The following FOXR1 variants were observed in gnomAD, a reference collection of about 807,000 sequenced individuals.
FOXR1 encodes the protein forkhead box R1, also known as forkhead box protein R1.
A neutral mutation model predicts 34.5 loss-of-function variants in FOXR1; 25 were observed. That is an observed-to-expected ratio of 0.72 (90% CI 0.53 to 1.01). The LOEUF (loss-of-function observed/expected upper bound fraction) is 1.01. FOXR1 is among the 50% of genes least tolerant of loss of function. FOXR1 has a pLI of 0.00. For synonymous variants in FOXR1, 153 were observed against 141.6 expected, an observed-to-expected ratio of 1.08 and a Z score of -0.57; for missense variants, 373 against 376.2, an observed-to-expected ratio of 0.99 and a Z score of 0.07.
At chr11:118,972,831 C>T (rs1413121154) in intron 1 of FOXR1, among the ~76,000 whole-genome samples, 1 of 152,040 alleles carries the variant, frequency 6.6e-6, no homozygotes, top group Non-Finnish European at 1.5e-5. Context: ...ACCATGTTGT[C>T]CATGTCGGCC....
Position 118,971,831 on chromosome 11 carries a change from C to T in FOXR1, c.-101C>T. 3.0e-6 allele frequency: 4 copies of T among 1,335,748 alleles called. No homozygotes were observed. Among genetic ancestry groups the T allele is most frequent in the South Asian group, 1.3e-5 (1 of 79,824 alleles). The allele number at this position is 1,335,748 out of a possible 1,614,324, so 82.7% of individuals were successfully genotyped here. ...TCCCACTCCGCGTCCCCACTCCGCG[C>T]CGCCGCGCCTCTGCCAGCCCCGAAG... On this transcript the variant is annotated 5_prime_UTR_variant, in exon 1 of 6. Transcript: ENST00000317011.
chr11:118,977,989 G>A (rs1171569007), intron 1 of FOXR1, among the ~76,000 whole-genome samples: 1 of 152,146 alleles, frequency 6.6e-6, no homozygotes, highest in Non-Finnish European at 1.5e-5. Context: ...GGAGGGTGAG[G>A]CAGGCAGATC....
chr11:118,978,791 A>T lies in FOXR1; in HGVS notation c.71A>T (p.Tyr24Phe), dbSNP rs990806646. The change falls in exon 2 of 6, where the codon TAT becomes TTT. Residue 24 changes from tyrosine (Y) to phenylalanine (F), a missense_variant. Physicochemically the swap from Tyr to Phe is conservative, Grantham distance 22. Transcript: ENST00000317011. ...LPLAEQKLAR[Y>F]KLRIVKPPKL... Reference sequence around the variant, plus strand: ...TCTTTCTTTTTGCCAGTTGCCAGGTATAAACTCCGAATTGTTAAGCCACCA... The same window carrying T: ...TCTTTCTTTTTGCCAGTTGCCAGGTTTAAACTCCGAATTGTTAAGCCACCA... 6.2e-7 allele frequency: 1 copy of T among 1,614,058 alleles called. No individual in the cohort carries two copies. The highest frequency in any genetic ancestry group is 8.5e-7 in the Non-Finnish European group (1 of 1,180,038).
intron 5 of FOXR1, 138 bp from the exon 6 acceptor site, chr11:118,981,070 T>G: frequency 1.2e-6 from 1 of 836,238 alleles, no homozygotes; most frequent in Non-Finnish European, 2.1e-6. Context: ...CCTGGAGCAG[T>G]GCAGGGAGGC....
chr11:118,978,704 G>GC, intron 1 of FOXR1, 78 bp from the exon 2 acceptor site: 5 of 1,484,264 alleles, frequency 3.4e-6, no homozygotes, highest in Non-Finnish European at 4.7e-6. Flanking sequence ...TCCCAGAGAA[G>GC]CCTTAAGGCC....
Position 118,980,473 on chromosome 11 carries a change from C to CTCCTCCCT in FOXR1, c.612-16_612-9dup. On this transcript the variant is annotated splice_polypyrimidine_tract_variant and intron_variant, in intron 4 of 5. Transcript: ENST00000317011. ...AGACATAACATGCCTTTCCTTACCT[C>CTCCTCCCT]TCCTCCCTGTCCATAGAAAGCACTT... The CTCCTCCCT allele has an allele frequency of 6.2e-7, 1 of 1,612,986 alleles. No homozygotes were observed. Among genetic ancestry groups the CTCCTCCCT allele is most frequent in the Non-Finnish European group, 8.5e-7 (1 of 1,179,090 alleles).
At chr11:118,973,046 G>A (rs747787940) in intron 1 of FOXR1, among the ~76,000 whole-genome samples, 7 of 151,260 alleles carry the variant, frequency 4.6e-5, no homozygotes, top group Non-Finnish European at 1.0e-4. Flanking sequence ...CATTATTTCT[G>A]ATTGTTGTTA....
Position 118,980,598 on chromosome 11 carries a change from C to T in FOXR1, c.720C>T (p.Gly240=), listed in dbSNP as rs772842613. Residue 240 remains glycine (G), a synonymous_variant, in exon 5 of 6, where the codon GGC becomes GGT. Transcript: ENST00000317011. ...SFEKVPVSMQ[G]GASTRPRSCL... ...AGAAAGTGCCTGTCAGCATGCAGGG[C>T]GGGGCCAGCACACGGCCTCGATCTT... 43 of 1,614,136 alleles carry T rather than the reference C, an allele frequency of 2.7e-5. 1 individual carries two copies. Among genetic ancestry groups the T allele is most frequent in the South Asian group, 6.6e-5 (6 of 91,090 alleles).
At chr11:118,979,403 T>C in intron 3 of FOXR1, 39 bp from the exon 4 acceptor site, 1 of 1,531,828 alleles carries the variant, frequency 6.5e-7, no homozygotes, top group Non-Finnish European at 8.8e-7. Context: ...GAGTAGAGGC[T>C]GAGGAGTCAG....
Position 118,979,678 on chromosome 11 carries a change from G to A in FOXR1, c.611+10G>A, listed in dbSNP as rs782048446. On this transcript the variant is annotated intron_variant, in intron 4 of 5. Transcript: ENST00000317011. ...TCTACAGTTTCACTCGGTATGTGCCGGGGGCCCTGCGAGGAGGGGGAAGTG... is the reference window on the plus strand; with the variant it reads ...TCTACAGTTTCACTCGGTATGTGCCAGGGGCCCTGCGAGGAGGGGGAAGTG... 1.2e-4 allele frequency: 181 copies of A among 1,568,168 alleles called. 2 individuals carry two copies. The highest frequency in any genetic ancestry group is 1.2e-4 in the Non-Finnish European group (142 of 1,156,038).
At chr11:118,972,028 G>A in intron 1 of FOXR1, 36 bp downstream of exon 1, 2 of 1,378,070 alleles carry the variant, frequency 1.5e-6, no homozygotes, top group Non-Finnish European at 1.9e-6. Context: ...GGGGCTGGGC[G>A]TGGCGGAGGG....
intron 1 of FOXR1, 78 bp from the exon 2 acceptor site, chr11:118,978,704 G>A: frequency 2.0e-6 from 3 of 1,484,264 alleles, no homozygotes; most frequent in South Asian, 1.1e-5. Flanking sequence ...TCCCAGAGAA[G>A]CCTTAAGGCC....
intron 4 of FOXR1, chr11:118,980,159 A>G (rs1941836323): frequency 1.8e-6 from 1 of 541,968 alleles, no homozygotes; most frequent in Non-Finnish European, 3.5e-6. Flanking sequence ...CAGTGTTAGG[A>G]GAAGTGCCTA....
chr11:118,972,022 C>T (rs1422240669), intron 1 of FOXR1, 30 bp downstream of exon 1: 636 of 1,279,404 alleles, frequency 5.0e-4, no homozygotes, highest in Non-Finnish European at 5.9e-4. Flanking sequence ...AGGTGGGGGG[C>T]TGGGCGTGGC....
At chr11:118,977,285 G>C (rs1275187583) in intron 1 of FOXR1, among the ~76,000 whole-genome samples, 1 of 152,102 alleles carries the variant, frequency 6.6e-6, no homozygotes, top group Non-Finnish European at 1.5e-5. Context: ...ACCTGCCTCG[G>C]CCTCCCAAAG....
chr11:118,979,331 G>A, intron 3 of FOXR1, 111 bp from the exon 4 acceptor site: 1 of 1,491,468 alleles, frequency 6.7e-7, no homozygotes, highest in Non-Finnish European at 8.9e-7. Flanking sequence ...CTACATGCTT[G>A]GGTTGGGGAG....
chr11:118,978,591 G>A (rs1025583119), intron 1 of FOXR1, among the ~76,000 whole-genome samples, 191 bp from the exon 2 acceptor site: 1 of 152,130 alleles, frequency 6.6e-6, no homozygotes, highest in African/African-American at 2.4e-5. Flanking sequence ...CGTAGAGTGA[G>A]AAGAAAAGAA....
chr11:118,974,005 C>T (rs1215475844), intron 1 of FOXR1, among the ~76,000 whole-genome samples: 1 of 152,082 alleles, frequency 6.6e-6, no homozygotes, highest in Non-Finnish European at 1.5e-5. Context: ...GCCACAGCTA[C>T]AGTTTTAAAT....
intron 1 of FOXR1, among the ~76,000 whole-genome samples, chr11:118,973,005 T>C (rs1033461410): frequency 4.6e-5 from 7 of 152,208 alleles, no homozygotes; most frequent in Non-Finnish European, 8.8e-5. Flanking sequence ...TTGAGAGCTG[T>C]TGTTTTAGGT....
Sources: gnomAD v4.1 joint callset for allele counts (sites outside exome capture counted in the v4.1 genomes callset) on GRCh38, gnomAD v4.1.1 for gene constraint, MANE v1.5 for transcripts, NCBI Gene and HGNC (gene_info 2026-07-23, HGNC 2026-07-21) for gene names.